CHRM3: variants seen among roughly 807,000 people sequenced by gnomAD.
CHRM3 encodes the protein muscarinic acetylcholine receptor M3.
In CHRM3, 11 loss-of-function variants were observed where a neutral mutation model predicts 41.8. The ratio of observed to expected loss-of-function variants is 0.26; its 90% confidence interval spans 0.17 to 0.44. CHRM3 has a LOEUF of 0.44. Among genes scored for constraint, CHRM3 ranks in the 20% least tolerant of loss-of-function variants. The pLI is 1.00. For synonymous variants in CHRM3, 297 were observed against 301.4 expected, an observed-to-expected ratio of 0.99 and a Z score of 0.15; for missense variants, 571 against 745.4, an observed-to-expected ratio of 0.77 and a Z score of 2.72.
At chr1:239,859,736 A>T (rs1675453501) in intron 6 of CHRM3, among the ~76,000 whole-genome samples, 1 of 150,404 alleles carries the variant, frequency 6.6e-6, no homozygotes, top group South Asian at 2.1e-4. Context: ...TTAAATAAAG[A>T]TTTATTGAAA....
At chr1:239,605,123 G>T (rs970785217) in intron 3 of CHRM3, among the ~76,000 whole-genome samples, 4 of 152,124 alleles carry the variant, frequency 2.6e-5, no homozygotes, top group Non-Finnish European at 4.4e-5. Context: ...GTCATGTAAG[G>T]ATTGAGTTAC....
At chr1:239,638,961 C>T (rs1283827035) in intron 4 of CHRM3, among the ~76,000 whole-genome samples, 1 of 152,054 alleles carries the variant, frequency 6.6e-6, no homozygotes, top group African/African-American at 2.4e-5. Flanking sequence ...GGAAGGGATC[C>T]AGTTTCAGCT....
intron 3 of CHRM3, among the ~76,000 whole-genome samples, chr1:239,627,087 A>C (rs1436649610): frequency 8.1e-6 from 1 of 123,870 alleles, no homozygotes; most frequent in South Asian, 3.8e-4. Flanking sequence ...GATCTGTCTA[A>C]TGTTGACAGT....
At chr1:239,614,050 C>G (rs1027963863) in intron 3 of CHRM3, among the ~76,000 whole-genome samples, 2 of 152,084 alleles carry the variant, frequency 1.3e-5, no homozygotes, top group African/African-American at 4.8e-5. Context: ...ACCTGCAGCC[C>G]CAGCTACTTG....
At chr1:239,547,906 G>A (rs1259655689) in intron 3 of CHRM3, among the ~76,000 whole-genome samples, 2 of 151,860 alleles carry the variant, frequency 1.3e-5, no homozygotes, top group African/African-American at 2.4e-5. Context: ...TTATTAGGCC[G>A]ATCAAGGAAT....
intron 4 of CHRM3, among the ~76,000 whole-genome samples, chr1:239,642,942 T>C (rs1457499753): frequency 2.6e-5 from 4 of 152,200 alleles, no homozygotes; most frequent in East Asian, 1.9e-4. Context: ...GATGGGTTTT[T>C]GGTGTGGATG....
chr1:239,409,935 C>T (rs866781575), intron 1 of CHRM3, among the ~76,000 whole-genome samples: 1 of 152,026 alleles, frequency 6.6e-6, no homozygotes, highest in South Asian at 2.1e-4. Flanking sequence ...AGCGAGACTC[C>T]GTCTCAACAA....
chr1:239,543,632 C>T (rs146834890), intron 2 of CHRM3, among the ~76,000 whole-genome samples: 9,609 of 151,948 alleles, frequency 0.063, 316 homozygotes, highest in African/African-American at 0.094. Flanking sequence ...CTCAGCCTCC[C>T]AAGTATCTGG....
intron 6 of CHRM3, among the ~76,000 whole-genome samples, chr1:239,859,416 G>GT (rs1229713025): frequency 5.3e-5 from 6 of 112,306 alleles, no homozygotes; most frequent in Non-Finnish European, 9.1e-5. Flanking sequence ...TGTTGTTGTT[G>GT]TTGTTTTTTT....
intron 2 of CHRM3, among the ~76,000 whole-genome samples, chr1:239,534,693 A>T (rs1330878490): frequency 6.6e-6 from 1 of 152,244 alleles, no homozygotes; most frequent in African/African-American, 2.4e-5. Flanking sequence ...CAATTTTCTT[A>T]TCTGTAAAAT....
chr1:239,449,764 G>A (rs1203136473), intron 1 of CHRM3, among the ~76,000 whole-genome samples: 1 of 151,882 alleles, frequency 6.6e-6, no homozygotes, highest in Non-Finnish European at 1.5e-5. Flanking sequence ...GCGTGTGTGT[G>A]TATGCATGTT....
At position 239,598,410 on chromosome 1, in the gene CHRM3, A is replaced by T. The variant is rs114102796; in HGVS notation, c.-312-33814A>T. Among the ~76,000 whole-genome samples the T allele has an allele frequency of 5.9e-3, 896 of 152,192 alleles. 15 individuals carry two copies. The highest frequency in any genetic ancestry group is 0.021 in the African/African-American group (859 of 41,532). Reference sequence around the variant, plus strand: ...ATTGGTATAATGAAAAGGCTGCTGGACTTGGGCTCAGGAGACCTTGATTCT... The same window carrying T: ...ATTGGTATAATGAAAAGGCTGCTGGTCTTGGGCTCAGGAGACCTTGATTCT... On this transcript the variant is annotated intron_variant, in intron 3 of 6. Transcript: ENST00000676153.
At chr1:239,902,256 C>T (rs926667760) in intron 6 of CHRM3, among the ~76,000 whole-genome samples, 3 of 152,180 alleles carry the variant, frequency 2.0e-5, no homozygotes, top group African/African-American at 7.2e-5. Flanking sequence ...TATTAGCCTA[C>T]AACACCACAA....
chr1:239,755,011 G>T (rs1392473656), intron 5 of CHRM3, among the ~76,000 whole-genome samples: 1 of 152,124 alleles, frequency 6.6e-6, no homozygotes, highest in Non-Finnish European at 1.5e-5. Context: ...TGGATTAAGG[G>T]ACTTTCCTGT....
intron 4 of CHRM3, among the ~76,000 whole-genome samples, chr1:239,674,423 T>A (rs141348179): frequency 0.011 from 1,675 of 152,172 alleles, 20 homozygotes; most frequent in Non-Finnish European, 0.016. Context: ...ATTAGCAAAA[T>A]CACTGGCTGG....
At chr1:239,800,996 T>A (rs6666598) in intron 5 of CHRM3, among the ~76,000 whole-genome samples, 3,757 of 152,138 alleles carry the variant, frequency 0.025, 143 homozygotes, top group African/African-American at 0.082. Context: ...TAGGGATAAT[T>A]TAGAGGAAAA....
At chr1:239,714,195 A>T (rs1388857122) in intron 5 of CHRM3, 1 of 152,198 alleles carries the variant, frequency 6.6e-6, no homozygotes, top group Admixed American at 6.5e-5. Context: ...CACAGCCAGC[A>T]TGCCATGAGC....
chr1:239,905,837 G>A (rs1317794536), intron 6 of CHRM3, among the ~76,000 whole-genome samples: 2 of 152,114 alleles, frequency 1.3e-5, no homozygotes, highest in Non-Finnish European at 2.9e-5. Flanking sequence ...GGCAGCCAAA[G>A]CAAAGAGAGC....
At chr1:239,851,490 A>G (rs959037178) in intron 6 of CHRM3, among the ~76,000 whole-genome samples, 2 of 152,218 alleles carry the variant, frequency 1.3e-5, no homozygotes, top group Non-Finnish European at 2.9e-5. Flanking sequence ...CCTCACTTTG[A>G]GAAGAAGCTG....
Sources: allele counts gnomAD v4.1 joint callset (sites outside exome capture counted in the v4.1 genomes callset), GRCh38; gene constraint gnomAD v4.1.1; transcripts MANE v1.5; gene names NCBI Gene and HGNC (gene_info 2026-07-23, HGNC 2026-07-21).